SYT14: variants seen among roughly 807,000 people sequenced by gnomAD.
SYT14 encodes synaptotagmin-14.
In SYT14, 32 loss-of-function variants were observed where a neutral mutation model predicts 74.2. The ratio of observed to expected loss-of-function variants is 0.43; its 90% confidence interval spans 0.33 to 0.58. SYT14 has a LOEUF of 0.58. Among genes scored for constraint, SYT14 ranks in the 20% least tolerant of loss-of-function variants. The pLI is 0.05. For missense variants in SYT14, 791 were observed against 981.8 expected (o/e 0.81, Z 2.60); for synonymous variants, 298 against 337.7 (o/e 0.88, Z 1.29).
chr1:209,943,511 A>C (rs2078771326), intron 1 of SYT14, among the ~76,000 whole-genome samples: 3 of 42,258 alleles, frequency 7.1e-5, no homozygotes, highest in South Asian at 6.7e-4. Flanking sequence ...TCAATCTCAA[A>C]AAAAAAAAAA....
At chr1:210,084,066 A>C (rs979961535) in intron 5 of SYT14, among the ~76,000 whole-genome samples, 1 of 152,158 alleles carries the variant, frequency 6.6e-6, no homozygotes, top group African/African-American at 2.4e-5. Context: ...GGGCTTCCCA[A>C]TGATATTTTT....
In SYT14 at chr1:209,992,405, T is replaced by A. The variant is rs775310702; in HGVS notation, c.-485-21228T>A. On this transcript the variant is annotated intron_variant, in intron 2 of 9. Transcript: ENST00000637265. Reference sequence around the variant, plus strand: ...GCAACATGGAGGGAACTGGAGGCCATTATTTTAAGTGAAATAACTAAAAAA... The same window carrying A: ...GCAACATGGAGGGAACTGGAGGCCAATATTTTAAGTGAAATAACTAAAAAA... Among the ~76,000 whole-genome samples, 7 of 152,186 alleles carry A rather than the reference T, an allele frequency of 4.6e-5. 1 individual carries two copies. The South Asian group carries it at 1.2e-3, about 27-fold the overall frequency.
intron 5 of SYT14, among the ~76,000 whole-genome samples, chr1:210,052,665 C>CTAAAAAAAA (rs2081020977): frequency 2.4e-5 from 1 of 42,252 alleles, no homozygotes; most frequent in African/African-American, 1.1e-4. Flanking sequence ...TACATCTCAC[C>CTAAAAAAAA]AAAAAAAAAA....
chr1:209,959,489 C>G (rs948741013), intron 2 of SYT14, among the ~76,000 whole-genome samples: 2 of 152,116 alleles, frequency 1.3e-5, no homozygotes, highest in African/African-American at 2.4e-5. Flanking sequence ...ACCTAAATAT[C>G]CATCAACTGA....
At chr1:210,132,570 TGTG>T (rs2082698696) in intron 7 of SYT14, among the ~76,000 whole-genome samples, 9 of 139,454 alleles carry the variant, frequency 6.5e-5, no homozygotes, top group South Asian at 2.2e-4. Context: ...TTATATATTG[TGTG>T]TGTGTGTGTG....
intron 2 of SYT14, chr1:209,953,027 G>A: frequency 7.1e-7 from 1 of 1,406,866 alleles, no homozygotes; most frequent in Non-Finnish European, 9.4e-7. Context: ...GGCAAAGAAT[G>A]GAGGGTTTGA....
chr1:210,096,372 T>C (rs534518541), intron 6 of SYT14, among the ~76,000 whole-genome samples: 1 of 152,192 alleles, frequency 6.6e-6, no homozygotes, highest in Admixed American at 6.5e-5. Context: ...TGTGTGTGCA[T>C]GTGTGTGTGT....
chr1:210,085,258 A>G (rs1342439440), intron 5 of SYT14, among the ~76,000 whole-genome samples: 1 of 152,236 alleles, frequency 6.6e-6, no homozygotes, highest in Non-Finnish European at 1.5e-5. Flanking sequence ...TGCTAAATTT[A>G]CCAACTCTTA....
chr1:209,949,185 C>T (rs1327034607), intron 1 of SYT14, among the ~76,000 whole-genome samples: 2 of 152,126 alleles, frequency 1.3e-5, no homozygotes, highest in Non-Finnish European at 2.9e-5. Flanking sequence ...CCTTTGACTT[C>T]CAAACAGACA....
exon 10 of SYT14, chr1:210,168,463 T>C (rs1325902124): frequency 6.6e-6 from 1 of 152,238 alleles, no homozygotes; most frequent in Non-Finnish European, 1.5e-5. Context: ...ATAACATCTT[T>C]CTGTTTATTA....
At chr1:210,050,132 T>G (rs928317670) in intron 5 of SYT14, among the ~76,000 whole-genome samples, 1 of 152,208 alleles carries the variant, frequency 6.6e-6, no homozygotes, top group Non-Finnish European at 1.5e-5. Context: ...CTGTTTCCCT[T>G]TTAAAACTGC....
At chr1:210,059,935 G>GA (rs1293914593) in intron 5 of SYT14, among the ~76,000 whole-genome samples, 1 of 152,150 alleles carries the variant, frequency 6.6e-6, no homozygotes, top group Non-Finnish European at 1.5e-5. Flanking sequence ...GGAGAATGAG[G>GA]AAATGGGGTG....
At chr1:210,099,219 T>C (rs1327863923) in intron 6 of SYT14, among the ~76,000 whole-genome samples, 1 of 152,182 alleles carries the variant, frequency 6.6e-6, no homozygotes, top group Non-Finnish European at 1.5e-5. Flanking sequence ...CTAAAACCCC[T>C]ATTACATTCT....
chr1:210,038,871 C>G (rs1396536855), intron 5 of SYT14, among the ~76,000 whole-genome samples: 1 of 152,014 alleles, frequency 6.6e-6, no homozygotes, highest in Admixed American at 6.6e-5. Context: ...TGACTTTAGT[C>G]TGATGACTAT....
intron 5 of SYT14, among the ~76,000 whole-genome samples, chr1:210,023,618 A>G (rs1200909580): frequency 6.6e-6 from 1 of 152,212 alleles, no homozygotes; most frequent in Non-Finnish European, 1.5e-5. Context: ...CTGGGATTAC[A>G]GGCATGAGCC....
chr1:210,026,341 T>C (rs1054969310), intron 5 of SYT14, among the ~76,000 whole-genome samples: 1 of 152,150 alleles, frequency 6.6e-6, no homozygotes, highest in Non-Finnish European at 1.5e-5. Context: ...TCACTCATGC[T>C]AATTAATACT....
Position 210,016,631 on chromosome 1 carries a change from TTGTA to T in SYT14, c.631_634del (p.Tyr211SerfsTer43), listed in dbSNP as rs994868553. 3.8e-5 allele frequency: 47 copies of T among 1,231,832 alleles called. No homozygotes were observed. In the African/African-American group the frequency reaches 6.4e-4, roughly 17 times the overall value. 76.3% of individuals were successfully genotyped at this position (1,231,832 alleles called of 1,614,324 possible). A position where few individuals can be genotyped will look rare whatever the true frequency, so the allele number is the denominator to read the frequency against. On this transcript the variant is annotated frameshift_variant, in exon 4 of 10. Coordinates refer to ENST00000637265, the Ensembl canonical transcript of SYT14. LOFTEE classifies it high-confidence loss of function. Reference sequence around the variant, plus strand: ...GAAGAATGCCAACGGAATAAACAAATTGTATGAGCAAAAGAAATATGTTGGTACA... The same window carrying T: ...GAAGAATGCCAACGGAATAAACAAATTGAGCAAAAGAAATATGTTGGTACA...
rs114491831 is a variant in SYT14, at chr1:210,015,805, G to A, written c.-199G>A. The A allele has an allele frequency of 4.7e-3, 4,994 of 1,056,290 alleles. 22 individuals are homozygous for A. The highest frequency in any genetic ancestry group is 6.8e-3 in the Admixed American group (150 of 22,056). The allele number at this position is 1,056,290 out of a possible 1,614,324, so 65.4% of individuals were successfully genotyped here. A position where few individuals can be genotyped will look rare whatever the true frequency, so the allele number is the denominator to read the frequency against. On this transcript the variant is annotated 5_prime_UTR_variant, in exon 4 of 10. Coordinates refer to ENST00000637265, the Ensembl canonical transcript of SYT14. ...CCAAGTGGTTTGATTTTTTTTTTCCGGAAGAATCTTTACTTCAACATATTT... is the reference window on the plus strand; with the variant it reads ...CCAAGTGGTTTGATTTTTTTTTTCCAGAAGAATCTTTACTTCAACATATTT...
chr1:210,161,520 T>G (rs2083372830), exon 10 of SYT14: 1 of 453,944 alleles, frequency 2.2e-6, no homozygotes, highest in Non-Finnish European at 4.4e-6. Flanking sequence ...CTATCATAAG[T>G]CATATCTAAT....
Sources: allele counts gnomAD v4.1 joint callset (sites outside exome capture counted in the v4.1 genomes callset), GRCh38; gene constraint gnomAD v4.1.1; transcripts MANE v1.5; gene names NCBI Gene and HGNC (gene_info 2026-07-23, HGNC 2026-07-21).